NDUFA10: variants seen among roughly 807,000 people sequenced by gnomAD.
The protein encoded by NDUFA10 is NADH dehydrogenase [ubiquinone] 1 alpha subcomplex subunit 10, mitochondrial.
Under a neutral mutation model 47.8 loss-of-function variants are expected in NDUFA10, and 40 were observed. The ratio of observed to expected loss-of-function variants is 0.84; its 90% CI spans 0.65 to 1.09. The LOEUF is 1.09. Ranked by LOEUF, NDUFA10 falls within the 50% of genes least tolerant of loss-of-function variation. The probability of loss-of-function intolerance (pLI) is 0.00; values close to 1 mark genes in which losing one functional copy is unlikely to be tolerated. For missense variants in NDUFA10, 413 were observed against 451.1 expected (o/e 0.92, Z 0.76); for synonymous variants, 183 against 172.2 (o/e 1.06, Z -0.49).
In NDUFA10 at chr2:239,987,473, T is replaced by C. The variant is rs867334916; in HGVS notation, c.999+2601A>G. 6.6e-6 allele frequency among the ~76,000 whole-genome samples: 1 copy of C among 151,708 alleles called. No individual in the cohort carries two copies. The highest frequency in any genetic ancestry group is 2.4e-5 in the African/African-American group (1 of 41,262). On this transcript the variant is annotated intron_variant, in intron 9 of 9. Transcript: ENST00000252711. The surrounding 1 kb of genome is among the most constrained non-coding windows in gnomAD (Gnocchi z 4.8). ...AGACCACACTCGGCGAACCATCACA[T>C]TCAAGAGTTTGAAGATAACAGACCA...
chr2:240,011,587 C>T, intron 6 of NDUFA10, 30 bp downstream of exon 6: 2 of 1,569,330 alleles, frequency 1.3e-6, no homozygotes, highest in South Asian at 1.1e-5. Flanking sequence ...GAAGTTTTAG[C>T]CCTGTAAATC....
chr2:239,976,159 A>G (rs1444543700), intron 9 of NDUFA10, among the ~76,000 whole-genome samples: 6 of 152,186 alleles, frequency 3.9e-5, no homozygotes, highest in Non-Finnish European at 7.3e-5. Flanking sequence ...TCACACTGCA[A>G]TTCCAGGCTT....
At position 239,945,403 on chromosome 2, in the gene NDUFA10, T is replaced by TCA. The variant is rs1459153311; in HGVS notation, c.294+44669_294+44670dup. Reference sequence around the variant, plus strand: ...CTCCTTGCTACCCAGACCAAGCTCCTCACCTCTGAGCGTCGCTCCAGCTCC... The same window carrying TCA: ...CTCCTTGCTACCCAGACCAAGCTCCTCACACCTCTGAGCGTCGCTCCAGCTCC... On this transcript the variant is annotated intron_variant, in intron 4 of 5. Transcript: ENST00000419408. The surrounding 1 kb of genome is among the most constrained non-coding windows in gnomAD (Gnocchi z 4.6). Among the ~76,000 whole-genome samples the TCA allele has an allele frequency of 6.6e-6, 1 of 152,158 alleles. No homozygotes were observed. The highest frequency in any genetic ancestry group is 1.5e-5 in the Non-Finnish European group (1 of 68,018).
intron 4 of NDUFA10, among the ~76,000 whole-genome samples, chr2:239,905,915 G>A (rs1693647293): frequency 6.6e-6 from 1 of 151,380 alleles, no homozygotes; most frequent in African/African-American, 2.4e-5. Flanking sequence ...GGGAGAGGAG[G>A]TCTCCTGCCA....
intron 4 of NDUFA10, among the ~76,000 whole-genome samples, chr2:239,901,317 T>A (rs1268555510): frequency 6.6e-6 from 1 of 152,160 alleles, no homozygotes; most frequent in Non-Finnish European, 1.5e-5. Flanking sequence ...CAGTGAGCTA[T>A]GATCACGCCA....
downstream of NDUFA10, among the ~76,000 whole-genome samples, chr2:239,955,378 G>A (rs1367832231): frequency 6.6e-6 from 1 of 152,180 alleles, no homozygotes; most frequent in East Asian, 1.9e-4. Context: ...TCTAGAGAAG[G>A]ACCATTAGAC....
At chr2:239,990,889 C>T (rs1444386537) in intron 8 of NDUFA10, among the ~76,000 whole-genome samples, 1 of 151,780 alleles carries the variant, frequency 6.6e-6, no homozygotes, top group Non-Finnish European at 1.5e-5. Flanking sequence ...TTTTAAAAAG[C>T]ATTTTTTCAG....
intron 4 of NDUFA10, among the ~76,000 whole-genome samples, chr2:239,927,722 G>T (rs1463752530): frequency 6.6e-6 from 1 of 152,218 alleles, no homozygotes; most frequent in Non-Finnish European, 1.5e-5. Context: ...CCAGGGTTAG[G>T]GGTGGGGCAA....
chr2:239,917,771 A>C (rs1020222589), intron 4 of NDUFA10, among the ~76,000 whole-genome samples: 2 of 152,182 alleles, frequency 1.3e-5, no homozygotes, highest in African/African-American at 2.4e-5. Flanking sequence ...CCAGTTTTCC[A>C]GATGTTAAGT....
At chr2:239,931,670 A>G (rs964025113) in intron 4 of NDUFA10, among the ~76,000 whole-genome samples, 1 of 152,252 alleles carries the variant, frequency 6.6e-6, no homozygotes, top group African/African-American at 2.4e-5. Context: ...ATACAAGCTC[A>G]GCAAGATGAG....
At chr2:239,974,867 A>C (rs1695452693) in intron 9 of NDUFA10, among the ~76,000 whole-genome samples, 1 of 125,128 alleles carries the variant, frequency 8.0e-6, no homozygotes. Context: ...TGGTCATTTA[A>C]AACTATGTGA....
At chr2:240,008,478 A>G (rs977666970) in intron 6 of NDUFA10, among the ~76,000 whole-genome samples, 3 of 152,378 alleles carry the variant, frequency 2.0e-5, no homozygotes, top group Admixed American at 2.0e-4. Context: ...TACGAAGAGA[A>G]AGGCACAAAG....
intron 8 of NDUFA10, among the ~76,000 whole-genome samples, chr2:240,004,438 C>T (rs555175016): frequency 4.5e-4 from 68 of 151,640 alleles, no homozygotes; most frequent in African/African-American, 1.5e-3. Flanking sequence ...AACCCCCAAA[C>T]GGCATCTCAT....
chr2:240,025,205 TGCCACCCCGCCG>T lies in NDUFA10; in HGVS notation c.75+10_75+21del. ...CCGCCACCCTGCCACCCCGCCACCC[TGCCACCCCGCCG>T]CCCGCTCACCACGCGCTGGGCGCCC... On this transcript the variant is annotated intron_variant, in intron 1 of 9. Coordinates refer to ENST00000252711, the MANE Select transcript of NDUFA10 (RefSeq NM_004544.4). 1 of 908,218 alleles carries T rather than the reference TGCCACCCCGCCG, an allele frequency of 1.1e-6. No individual in the cohort carries two copies. Among genetic ancestry groups the T allele is most frequent in the African/African-American group, 2.8e-5 (1 of 35,728 alleles). 56.3% of individuals were successfully genotyped at this position (908,218 alleles called of 1,614,324 possible). A position where few individuals can be genotyped will look rare whatever the true frequency, so the allele number is the denominator to read the frequency against.
chr2:240,002,186 C>G (rs191287148), intron 8 of NDUFA10, among the ~76,000 whole-genome samples: 1 of 151,874 alleles, frequency 6.6e-6, no homozygotes, highest in African/African-American at 2.4e-5. Flanking sequence ...AAAAAATTAG[C>G]CGGGTATAGT....
chr2:239,937,312 T>C (rs1247618329), intron 4 of NDUFA10, among the ~76,000 whole-genome samples: 3 of 152,200 alleles, frequency 2.0e-5, no homozygotes, highest in African/African-American at 7.2e-5. Flanking sequence ...TGCGGTATGA[T>C]TTTAGAACAT....
intron 5 of NDUFA10, chr2:240,013,017 A>T (rs756824996): frequency 9.2e-5 from 14 of 152,266 alleles, no homozygotes; most frequent in Non-Finnish European, 1.8e-4. Context: ...GTAGAATAAG[A>T]TTAAATGTTA....
chr2:239,903,086 G>A (rs11684477), intron 4 of NDUFA10, among the ~76,000 whole-genome samples: 58,328 of 151,834 alleles, frequency 0.38, 11,752 homozygotes, highest in Admixed American at 0.57. Context: ...TCCAGAGCAC[G>A]TTCTTGTCTG....
intron 9 of NDUFA10, among the ~76,000 whole-genome samples, chr2:239,962,939 C>G (rs912145631): frequency 6.6e-6 from 1 of 152,176 alleles, no homozygotes; most frequent in African/African-American, 2.4e-5. Context: ...GAAGGATCTA[C>G]TCCCATGACC....
Sources: gnomAD v4.1 joint callset for allele counts (sites outside exome capture counted in the v4.1 genomes callset) on GRCh38, gnomAD v4.1.1 for gene constraint, Gnocchi (gnomAD v3.1) non-coding constraint, MANE v1.5 for transcripts, NCBI Gene and HGNC (gene_info 2026-07-23, HGNC 2026-07-21) for gene names.